Variants in LRP1B observed in about 807,000 individuals in gnomAD.
LRP1B encodes the protein low-density lipoprotein receptor-related protein 1B.
In LRP1B, 217 loss-of-function variants were observed where a neutral mutation model predicts 556.6. The observed-to-expected ratio is 0.39, with a 90% CI of 0.35 to 0.44. The LOEUF (loss-of-function observed/expected upper bound fraction) is 0.44. Among genes scored for constraint, LRP1B ranks in the 20% least tolerant of loss-of-function variants. The pLI, the probability that LRP1B is intolerant of heterozygous loss-of-function variation, is 1.00. For missense variants in LRP1B, 5,053 were observed against 5,620.8 expected (o/e 0.90, Z 3.23); for synonymous variants, 2,047 against 1,865.8 (o/e 1.10, Z -2.50).
At chr2:141,349,310 A>G (rs1385134564) in intron 3 of LRP1B, among the ~76,000 whole-genome samples, 2 of 152,110 alleles carry the variant, frequency 1.3e-5, no homozygotes, top group Admixed American at 1.3e-4. Flanking sequence ...ACCCTATGCC[A>G]GGGCCTACTG....
chr2:141,283,693 T>C (rs890087222), intron 3 of LRP1B, among the ~76,000 whole-genome samples: 5 of 146,970 alleles, frequency 3.4e-5, no homozygotes, highest in African/African-American at 1.3e-4. Flanking sequence ...CCACCCAGGT[T>C]CAAGTGATTC....
intron 82 of LRP1B, among the ~76,000 whole-genome samples, chr2:140,320,449 A>T (rs1680048015): frequency 6.6e-6 from 1 of 152,174 alleles, no homozygotes; most frequent in Non-Finnish European, 1.5e-5. Context: ...GCTGACTGTG[A>T]GGGTAAGGAC....
At chr2:140,989,308 G>A (rs1382576663) in intron 17 of LRP1B, among the ~76,000 whole-genome samples, 26 of 152,130 alleles carry the variant, frequency 1.7e-4, no homozygotes, top group Non-Finnish European at 5.9e-5. Flanking sequence ...CATATGGATA[G>A]ATGAAGTGCC....
intron 66 of LRP1B, among the ~76,000 whole-genome samples, chr2:140,437,870 T>G: frequency 6.6e-6 from 1 of 152,128 alleles, no homozygotes; most frequent in East Asian, 1.9e-4. Flanking sequence ...TTTAAATGTT[T>G]TAACAGAGAT....
chr2:140,990,853 G>C (rs891009962), intron 16 of LRP1B, among the ~76,000 whole-genome samples: 1 of 151,954 alleles, frequency 6.6e-6, no homozygotes, highest in Non-Finnish European at 1.5e-5. Context: ...GTTACACTTC[G>C]TATGATAAAA....
intron 2 of LRP1B, among the ~76,000 whole-genome samples, chr2:141,565,327 A>G (rs777090243): frequency 7.1e-4 from 108 of 152,166 alleles, no homozygotes; most frequent in Non-Finnish European, 2.5e-4. Flanking sequence ...ACACGATTCA[A>G]ATGAAATTAG....
intron 3 of LRP1B, among the ~76,000 whole-genome samples, chr2:141,468,331 G>A (rs909610457): frequency 3.3e-4 from 50 of 152,162 alleles, no homozygotes; most frequent in African/African-American, 1.2e-3. Flanking sequence ...TTTTGAAAAT[G>A]GGAACAAATG....
chr2:140,812,997 T>C (rs1004835087), intron 32 of LRP1B, among the ~76,000 whole-genome samples: 1 of 152,116 alleles, frequency 6.6e-6, no homozygotes, highest in African/African-American at 2.4e-5. Flanking sequence ...TCAAACTATC[T>C]TTTTAAACTG....
intron 52 of LRP1B, among the ~76,000 whole-genome samples, chr2:140,508,970 TACA>T (rs1280746425): frequency 2.0e-5 from 3 of 152,060 alleles, no homozygotes; most frequent in Non-Finnish European, 2.9e-5. Context: ...TGAATTATTC[TACA>T]ACAATAGTAT....
intron 3 of LRP1B, among the ~76,000 whole-genome samples, chr2:141,473,031 G>A (rs1236454708): frequency 8.2e-6 from 1 of 122,242 alleles, no homozygotes; most frequent in Admixed American, 8.1e-5. Context: ...TTTCCCCAGA[G>A]GTATTTACTT....
intron 6 of LRP1B, 111 bp downstream of exon 6, chr2:141,229,072 A>G: frequency 9.4e-7 from 1 of 1,062,574 alleles, no homozygotes; most frequent in South Asian, 1.4e-5. Flanking sequence ...GTATTTGCAC[A>G]TACAGCTTTC....
At chr2:141,983,909 A>G (rs1405202965) in intron 1 of LRP1B, among the ~76,000 whole-genome samples, 1 of 152,144 alleles carries the variant, frequency 6.6e-6, no homozygotes, top group Non-Finnish European at 1.5e-5. Context: ...AAAAATACAA[A>G]AATTAGCCGG....
chr2:141,884,124 C>T (rs1208817559), intron 1 of LRP1B, among the ~76,000 whole-genome samples: 2 of 152,130 alleles, frequency 1.3e-5, no homozygotes, highest in Admixed American at 6.5e-5. Flanking sequence ...CTTGAAATCT[C>T]AGCACTTTGG....
intron 6 of LRP1B, among the ~76,000 whole-genome samples, chr2:141,203,725 T>G (rs1037547405): frequency 2.0e-5 from 3 of 152,176 alleles, no homozygotes; most frequent in African/African-American, 7.2e-5. Context: ...CAACAGAATA[T>G]ACATTCTTCT....
intron 3 of LRP1B, among the ~76,000 whole-genome samples, chr2:141,427,974 G>A (rs1389024974): frequency 6.6e-6 from 1 of 152,038 alleles, no homozygotes; most frequent in Non-Finnish European, 1.5e-5. Flanking sequence ...TACTAGAAAT[G>A]TTATATTTCA....
chr2:140,938,130 A>G (rs1048929173), intron 20 of LRP1B, among the ~76,000 whole-genome samples: 1 of 150,474 alleles, frequency 6.6e-6, no homozygotes, highest in Non-Finnish European at 1.5e-5. Context: ...ATAAGATTTT[A>G]GCTTGCTGAG....
chr2:140,390,952 A>G (rs1346977551), intron 66 of LRP1B, among the ~76,000 whole-genome samples: 2 of 152,126 alleles, frequency 1.3e-5, no homozygotes, highest in African/African-American at 4.8e-5. Context: ...AATATGGAAG[A>G]CCTAGCCTCT....
At chr2:140,916,346 T>C (rs1694579472) in intron 21 of LRP1B, among the ~76,000 whole-genome samples, 1 of 152,240 alleles carries the variant, frequency 6.6e-6, no homozygotes, top group Admixed American at 6.5e-5. Flanking sequence ...CATTTTATTC[T>C]GTATTCACTG....
intron 7 of LRP1B, among the ~76,000 whole-genome samples, chr2:141,090,484 G>A (rs552943536): frequency 2.6e-5 from 4 of 152,260 alleles, no homozygotes; most frequent in East Asian, 3.9e-4. Context: ...AGCTAGAACC[G>A]TGACAAGATG....
Sources: allele counts gnomAD v4.1 joint callset (sites outside exome capture counted in the v4.1 genomes callset), GRCh38; gene constraint gnomAD v4.1.1; transcripts MANE v1.5; gene names NCBI Gene and HGNC (gene_info 2026-07-23, HGNC 2026-07-21).